The following ROBO1 variants were observed in gnomAD, a reference collection of about 807,000 sequenced individuals.
ROBO1 encodes the protein roundabout guidance receptor 1.
Under a neutral mutation model 195.9 loss-of-function variants are expected in ROBO1, and 149 were observed. The observed-to-expected ratio is 0.76, with a 90% CI of 0.67 to 0.87. The LOEUF (loss-of-function observed/expected upper bound fraction) is 0.87. Among genes scored for constraint, ROBO1 ranks in the 40% least tolerant of loss-of-function variants. The pLI is 0.00. For missense variants in ROBO1, 1,933 were observed against 2,068.3 expected (o/e 0.93, Z 1.27); for synonymous variants, 816 against 733.2 (o/e 1.11, Z -1.82).
chr3:78,885,221 A>G (rs2036475562), intron 4 of ROBO1, among the ~76,000 whole-genome samples: 2 of 151,986 alleles, frequency 1.3e-5, no homozygotes. Flanking sequence ...GAATACATGG[A>G]CACATAGAGG....
At chr3:78,683,997 C>T (rs1380947421) in intron 10 of ROBO1, among the ~76,000 whole-genome samples, 2 of 152,006 alleles carry the variant, frequency 1.3e-5, no homozygotes, top group East Asian at 3.9e-4. Flanking sequence ...TTCCAATATA[C>T]ATATCTGATG....
At chr3:79,190,050 A>C (rs184830168) in intron 2 of ROBO1, among the ~76,000 whole-genome samples, 1 of 151,762 alleles carries the variant, frequency 6.6e-6, no homozygotes. Flanking sequence ...TACTTGGTGT[A>C]TTTTCTGTAA....
chr3:79,761,912 G>A (rs1311032963), intron 1 of ROBO1, among the ~76,000 whole-genome samples: 1 of 152,182 alleles, frequency 6.6e-6, no homozygotes, highest in Non-Finnish European at 1.5e-5. Flanking sequence ...CTGTTAATAT[G>A]TGGACTCAAG....
At chr3:79,503,557 T>G (rs28653275) in intron 2 of ROBO1, among the ~76,000 whole-genome samples, 1 of 151,946 alleles carries the variant, frequency 6.6e-6, no homozygotes, top group Non-Finnish European at 1.5e-5. Flanking sequence ...CTTTAATGTG[T>G]CTTTTTGTCT....
chr3:79,627,063 G>T (rs1182948042), intron 1 of ROBO1, among the ~76,000 whole-genome samples: 1 of 152,048 alleles, frequency 6.6e-6, no homozygotes, highest in East Asian at 1.9e-4. Context: ...TGTCAAAATG[G>T]CCATACTGCC....
intron 5 of ROBO1, among the ~76,000 whole-genome samples, chr3:78,740,773 A>G (rs1448721108): frequency 6.6e-6 from 1 of 152,048 alleles, no homozygotes; most frequent in African/African-American, 2.4e-5. Context: ...GCGCCTGGCA[A>G]AAGGAACTTT....
chr3:78,967,710 G>A (rs116201251), intron 3 of ROBO1, among the ~76,000 whole-genome samples: 3,593 of 151,874 alleles, frequency 0.024, 122 homozygotes, highest in African/African-American at 0.081. Context: ...TTAATCCCTT[G>A]TATAAATACC....
chr3:79,148,844 C>T (rs2311349), intron 2 of ROBO1, among the ~76,000 whole-genome samples: 109,577 of 151,750 alleles, frequency 0.72, 39,633 homozygotes, highest in East Asian at 0.79. Context: ...CTGTATTTTG[C>T]TGATGTGATC....
chr3:79,254,840 T>C (rs2082799632), intron 2 of ROBO1, among the ~76,000 whole-genome samples: 1 of 152,170 alleles, frequency 6.6e-6, no homozygotes, highest in South Asian at 2.1e-4. Flanking sequence ...TCCTCAGTTC[T>C]CAGAGCTGTG....
At chr3:78,899,189 C>G (rs985433775) in intron 4 of ROBO1, among the ~76,000 whole-genome samples, 46 of 152,008 alleles carry the variant, frequency 3.0e-4, no homozygotes, top group African/African-American at 1.1e-3. Flanking sequence ...AAAGATAAAG[C>G]AATTAGAGGC....
chr3:79,637,298 G>T (rs367729888), intron 1 of ROBO1, among the ~76,000 whole-genome samples: 3 of 150,956 alleles, frequency 2.0e-5, no homozygotes, highest in African/African-American at 7.3e-5. Context: ...TCTAGTAACT[G>T]ATTTCAATAG....
chr3:78,698,251 T>A (rs1030963236), intron 8 of ROBO1, among the ~76,000 whole-genome samples: 1 of 152,098 alleles, frequency 6.6e-6, no homozygotes, highest in African/African-American at 2.4e-5. Context: ...ACTGACAAAA[T>A]CCAGTCACTG....
chr3:79,043,276 A>C lies in ROBO1; in HGVS notation c.172+82180T>G, dbSNP rs79062140. On this transcript the variant is annotated intron_variant, in intron 3 of 30. Coordinates refer to ENST00000464233, the MANE Select transcript of ROBO1 (RefSeq NM_002941.4). ...CCCTAATAAGTCAATTTAACACCAA[A>C]TCACCAAATTCCATGTCCTCAAGTG... Among the ~76,000 whole-genome samples the C allele has an allele frequency of 2.6e-3, 391 of 152,208 alleles. 5 individuals are homozygous for C. The highest frequency in any genetic ancestry group is 9.0e-3 in the African/African-American group (374 of 41,560).
intron 1 of ROBO1, among the ~76,000 whole-genome samples, chr3:79,748,389 T>C (rs1258483486): frequency 6.6e-6 from 1 of 152,242 alleles, no homozygotes. Context: ...ATGTATCAGA[T>C]GGGAGAGATT....
chr3:78,865,101 T>C (rs2035087859), intron 4 of ROBO1, among the ~76,000 whole-genome samples: 1 of 152,204 alleles, frequency 6.6e-6, no homozygotes, highest in Admixed American at 6.5e-5. Context: ...TTGCCTGGCT[T>C]GTGGGAAACT....
intron 4 of ROBO1, among the ~76,000 whole-genome samples, chr3:78,801,668 A>C (rs2108578156): frequency 6.6e-6 from 1 of 152,272 alleles, no homozygotes; most frequent in Admixed American, 6.5e-5. Flanking sequence ...CAGAGTTGTA[A>C]ATATAACATG....
chr3:79,518,845 AT>A (rs11291431), intron 2 of ROBO1, among the ~76,000 whole-genome samples: 62,012 of 142,906 alleles, frequency 0.43, 15,086 homozygotes, highest in African/African-American at 0.7. Flanking sequence ...CTAATTCTGT[AT>A]TTTTTTTTTT....
intron 4 of ROBO1, among the ~76,000 whole-genome samples, chr3:78,790,190 A>G (rs2083974664): frequency 6.6e-6 from 1 of 152,156 alleles, no homozygotes; most frequent in African/African-American, 2.4e-5. Context: ...GGACACCAAA[A>G]GTTACCAACA....
chr3:79,646,663 C>T (rs1271050921), intron 1 of ROBO1, among the ~76,000 whole-genome samples: 1 of 151,878 alleles, frequency 6.6e-6, no homozygotes, highest in African/African-American at 2.4e-5. Flanking sequence ...AATCTAAGTG[C>T]CCATCAATGG....
Sources: gnomAD v4.1 joint callset for allele counts (sites outside exome capture counted in the v4.1 genomes callset) on GRCh38, gnomAD v4.1.1 for gene constraint, MANE v1.5 for transcripts, NCBI Gene and HGNC (gene_info 2026-07-23, HGNC 2026-07-21) for gene names.